The following CHD6 variants were observed in gnomAD, a reference collection of about 807,000 sequenced individuals.
The protein encoded by CHD6 is ATP-dependent chromatin remodeler CHD6.
In CHD6, 50 loss-of-function variants were observed where a neutral mutation model predicts 276.9. The ratio of observed to expected loss-of-function variants is 0.18; its 90% CI spans 0.14 to 0.23. CHD6 has a LOEUF of 0.23. CHD6 is among the 10% of genes least tolerant of loss of function. The pLI, the probability that CHD6 is intolerant of heterozygous loss-of-function variation, is 1.00. For missense variants in CHD6, 2,564 were observed against 3,365.8 expected, an observed-to-expected ratio of 0.76 and a Z score of 5.89; for synonymous variants, 1,173 against 1,229.3, an observed-to-expected ratio of 0.95 and a Z score of 0.96.
At chr20:41,601,178 G>A (rs1220870260) in intron 1 of CHD6, among the ~76,000 whole-genome samples, 8 of 152,064 alleles carry the variant, frequency 5.3e-5, no homozygotes, top group African/African-American at 1.9e-4. Context: ...CTCCTTCTAT[G>A]TTCCTTTTAC....
intron 5 of CHD6, among the ~76,000 whole-genome samples, chr20:41,505,558 T>C (rs995090515): frequency 1.3e-5 from 2 of 152,220 alleles, no homozygotes; most frequent in Non-Finnish European, 2.9e-5. Flanking sequence ...CGGATGACTC[T>C]TACTGTCTGA....
rs549036817 is a variant in CHD6 at position 41,407,440 on chromosome 20, A to G, written c.7252-1951T>C. ...GAGAAAGAAGCCAGGGAAGCTGAGG[A>G]TATCTCTGGGCTGAGACTGGCCACC... On this transcript the variant is annotated intron_variant, in intron 36 of 36. Coordinates refer to ENST00000373233, the MANE Select transcript of CHD6 (RefSeq NM_032221.5). Among the ~76,000 whole-genome samples, 3 of 152,320 alleles carry G rather than the reference A, an allele frequency of 2.0e-5. No homozygotes were observed. In the South Asian group the frequency reaches 6.2e-4, roughly 32 times the overall value.
chr20:41,425,388 T>A lies in CHD6; in HGVS notation c.4136A>T (p.Asp1379Val), dbSNP rs762047389. The change falls in exon 29 of 37, where the codon GAT (aspartate) becomes GTT (valine). Residue 1379 changes from aspartate to valine, a missense_variant. By Grantham distance (152) the Asp-to-Val change is radical. Coordinates refer to ENST00000373233, the MANE Select transcript of CHD6 (RefSeq NM_032221.5). ...GGGCGATTTGTCTGGGTCGGAGCCA[T>A]CCTGGGCTTCAAACATCAGTGAGGA... is the stretch of plus-strand genomic sequence containing the variant. ...EKKDDSRAAQ[D>V]GSDPDKSPWP... 1 of 1,613,434 alleles carries A rather than the reference T, an allele frequency of 6.2e-7. No individual in the cohort carries two copies. Among genetic ancestry groups the A allele is most frequent in the African/African-American group, 1.3e-5 (1 of 74,910 alleles).
chr20:41,529,536 ATATATATC>A (rs1393780078), intron 3 of CHD6, among the ~76,000 whole-genome samples: 1 of 152,124 alleles, frequency 6.6e-6, no homozygotes, highest in African/African-American at 2.4e-5. Context: ...GGAAACTCTG[ATATATATC>A]TGAACTCTGA....
chr20:41,448,830 G>C (rs1365925050), intron 23 of CHD6, among the ~76,000 whole-genome samples: 1 of 152,070 alleles, frequency 6.6e-6, no homozygotes, highest in African/African-American at 2.4e-5. Context: ...TTATAGATTG[G>C]AAAGAACCCT....
intron 1 of CHD6, among the ~76,000 whole-genome samples, chr20:41,576,729 C>T (rs1244089254): frequency 2.0e-5 from 3 of 152,190 alleles, no homozygotes; most frequent in Admixed American, 6.5e-5. Flanking sequence ...GATGAGTACA[C>T]CTCAGTCAGC....
At chr20:41,476,026 G>A (rs2043160552) in intron 16 of CHD6, among the ~76,000 whole-genome samples, 1 of 152,066 alleles carries the variant, frequency 6.6e-6, no homozygotes, top group African/African-American at 2.4e-5. Flanking sequence ...AATTATTTGA[G>A]CTCCTCCCTC....
intron 27 of CHD6, among the ~76,000 whole-genome samples, chr20:41,431,216 A>G (rs2145538534): frequency 6.6e-6 from 1 of 152,278 alleles, no homozygotes; most frequent in South Asian, 2.1e-4. Flanking sequence ...ATTTGCTTCA[A>G]TCCACTGCTT....
At chr20:41,517,664 T>A (rs528494467) in intron 3 of CHD6, among the ~76,000 whole-genome samples, 57 of 152,350 alleles carry the variant, frequency 3.7e-4, no homozygotes, top group Non-Finnish European at 7.2e-4. Context: ...TGGCTCCTCA[T>A]TAAGAAAACT....
At position 41,404,634 on chromosome 20, in the gene CHD6, C is replaced by A; in HGVS notation, c.8107G>T (p.Gly2703Trp). 6.6e-7 allele frequency: 1 copy of A among 1,511,020 alleles called. No homozygotes were observed. Among genetic ancestry groups the A allele is most frequent in the Non-Finnish European group, 8.9e-7 (1 of 1,129,666 alleles). The allele number at this position is 1,511,020 out of a possible 1,614,324, so 93.6% of individuals were successfully genotyped here. The change falls in exon 37 of 37, where the codon GGG becomes TGG. Residue 2703 changes from glycine to tryptophan, a missense_variant. Gly to Trp is a radical substitution (Grantham distance 184). Around this residue, in one of 7 missense-constraint regions of CHD6, gnomAD observed 238 missense variants for 266.0 expected, o/e 0.89. Transcript: ENST00000373233. Reference protein sequence around the residue: ...PAEREHGAQAGEGALKDSNND... With the variant: ...PAEREHGAQAWEGALKDSNND... ...TTGGAGTCTTTGAGTGCCCCCTCCC[C>A]AGCCTGTGCCCCATGTTCTCTCTCT...
chr20:41,585,528 A>G (rs1011366935), intron 1 of CHD6, among the ~76,000 whole-genome samples: 2 of 151,770 alleles, frequency 1.3e-5, no homozygotes, highest in African/African-American at 2.4e-5. Context: ...AAAAAAAAAA[A>G]AAAGAAACAG....
chr20:41,488,676 C>G, intron 12 of CHD6, 72 bp from the exon 13 acceptor site: 7 of 1,360,524 alleles, frequency 5.1e-6, no homozygotes, highest in Non-Finnish European at 7.1e-6. Context: ...TGCTGGACTA[C>G]AGGAGGCAGC....
intron 30 of CHD6, 79 bp downstream of exon 30, chr20:41,423,413 A>G: frequency 1.5e-6 from 2 of 1,377,502 alleles, no homozygotes; most frequent in Non-Finnish European, 2.1e-6. Context: ...TTATAGGTAT[A>G]CCTAAAGTAA....
chr20:41,609,336 GA>G (rs1483356346), intron 1 of CHD6, among the ~76,000 whole-genome samples: 2 of 152,150 alleles, frequency 1.3e-5, no homozygotes, highest in Non-Finnish European at 2.9e-5. Context: ...ATCCTTAGAA[GA>G]AAGTCAGACA....
intron 17 of CHD6, among the ~76,000 whole-genome samples, chr20:41,466,869 A>G (rs1478255745): frequency 6.6e-6 from 1 of 152,254 alleles, no homozygotes; most frequent in Non-Finnish European, 1.5e-5. Flanking sequence ...CAGGTAACAC[A>G]GTCCTAGACA....
rs973602912 is a variant in CHD6, at chr20:41,618,329, G to C, written c.-24+11C>G. The C allele has an allele frequency of 2.0e-5, 3 of 152,116 alleles. No individual in the cohort carries two copies. The highest frequency in any genetic ancestry group is 7.2e-5 in the African/African-American group (3 of 41,412). 9.4% of individuals were successfully genotyped at this position (152,116 alleles called of 1,614,324 possible). A position where few individuals can be genotyped will look rare whatever the true frequency, so the allele number is the denominator to read the frequency against. ...CAGGGAGGAAAATAAAAAGTTAAGA[G>C]AAGAACTTACCTAAAATGGCTCCTG... On this transcript the variant is annotated intron_variant, in intron 1 of 36. Coordinates refer to ENST00000373233, the MANE Select transcript of CHD6 (RefSeq NM_032221.5).
rs1371473577 is a variant in CHD6 at position 41,585,898 on chromosome 20, C to T, written c.-24+32442G>A. Among the ~76,000 whole-genome samples the T allele has an allele frequency of 3.3e-5, 5 of 152,132 alleles. No individual in the cohort carries two copies. In the East Asian group the frequency reaches 9.6e-4, roughly 29 times the overall value. ...GGACTAGCTGGATTTCCTAGGCCGA[C>T]TAAGAATTCCTAAGCCTAGCTGGGA... is the stretch of plus-strand genomic sequence containing the variant. On this transcript the variant is annotated intron_variant, in intron 1 of 36. Coordinates refer to ENST00000373233, the MANE Select transcript of CHD6 (RefSeq NM_032221.5).
chr20:41,612,920 T>A (rs1317521194), intron 1 of CHD6, among the ~76,000 whole-genome samples: 1 of 152,156 alleles, frequency 6.6e-6, no homozygotes, highest in East Asian at 1.9e-4. Flanking sequence ...ACAAAAAAAA[T>A]CTCCAGAATA....
At chr20:41,476,268 C>G (rs777074884) in intron 16 of CHD6, among the ~76,000 whole-genome samples, 2 of 152,006 alleles carry the variant, frequency 1.3e-5, no homozygotes, top group Non-Finnish European at 2.9e-5. Context: ...TAACAAGATC[C>G]CTAGGAGTTG....
Sources: gnomAD v4.1 joint callset for allele counts (sites outside exome capture counted in the v4.1 genomes callset) on GRCh38, gnomAD v4.1.1 for gene constraint, gnomAD v4.1.1 regional missense constraint, MANE v1.5 for transcripts, NCBI Gene and HGNC (gene_info 2026-07-23, HGNC 2026-07-21) for gene names.